Variants in DGKB observed in about 807,000 individuals in gnomAD.
DGKB encodes the protein 90 kDa diacylglycerol kinase.
Under a neutral mutation model 114.3 loss-of-function variants are expected in DGKB, and 67 were observed. The ratio of observed to expected loss-of-function variants is 0.59; its 90% CI spans 0.48 to 0.72. The LOEUF (loss-of-function observed/expected upper bound fraction) is 0.72, where lower values mean the gene tolerates loss of function less well. DGKB is among the 30% of genes least tolerant of loss of function. DGKB has a pLI of 0.00. For missense variants in DGKB, 907 were observed against 975.2 expected, an observed-to-expected ratio of 0.93 and a Z score of 0.93; for synonymous variants, 398 against 323.1, an observed-to-expected ratio of 1.23 and a Z score of -2.49.
chr7:14,851,548 C>T (rs7791432), intron 1 of DGKB, among the ~76,000 whole-genome samples: 16,826 of 152,032 alleles, frequency 0.11, 1,782 homozygotes, highest in East Asian at 0.29. Context: ...TGATACGATA[C>T]CTTTCATCTC....
In DGKB at chr7:14,192,414, G is replaced by T. The variant is rs901288203; in HGVS notation, c.2123-14263C>A. Among the ~76,000 whole-genome samples the T allele has an allele frequency of 2.0e-5, 3 of 152,206 alleles. No individual in the cohort carries two copies. The East Asian group carries it at 5.8e-4, about 29-fold the overall frequency. On this transcript the variant is annotated intron_variant, in intron 23 of 25. Coordinates refer to ENST00000402815, the MANE Select transcript of DGKB (RefSeq NM_001350709.2). ...AATATATTTAACCAAGGAGGTGAAA[G>T]ATCTCTACAATAAAACTGTAAAACT...
intron 2 of DGKB, among the ~76,000 whole-genome samples, chr7:14,763,361 A>G (rs1463515281): frequency 6.6e-6 from 1 of 152,108 alleles, no homozygotes. Context: ...AACACTATTA[A>G]TTATAGCTTG....
intron 20 of DGKB, among the ~76,000 whole-genome samples, chr7:14,528,099 T>C: frequency 6.6e-6 from 1 of 152,080 alleles, no homozygotes; most frequent in East Asian, 1.9e-4. Flanking sequence ...TTCATAAAAT[T>C]TCAACAGTCA....
intron 23 of DGKB, among the ~76,000 whole-genome samples, chr7:14,284,375 G>C (rs1001507848): frequency 8.7e-4 from 125 of 143,906 alleles, no homozygotes; most frequent in Non-Finnish European, 1.3e-3. Flanking sequence ...GTGCTGGAGA[G>C]GATGTGGAGA....
intron 21 of DGKB, among the ~76,000 whole-genome samples, chr7:14,357,329 T>C (rs1366461051): frequency 6.6e-6 from 1 of 152,202 alleles, no homozygotes; most frequent in Non-Finnish European, 1.5e-5. Context: ...CTTGTTGAAT[T>C]GATCCCTTTA....
chr7:14,850,247 G>C (rs1215706483), intron 1 of DGKB, among the ~76,000 whole-genome samples: 3 of 152,206 alleles, frequency 2.0e-5, no homozygotes, highest in African/African-American at 7.2e-5. Context: ...AGTACAGGAA[G>C]TGAAGACTGA....
At chr7:14,642,535 A>G (rs1379974104) in intron 13 of DGKB, among the ~76,000 whole-genome samples, 2 of 152,218 alleles carry the variant, frequency 1.3e-5, no homozygotes, top group African/African-American at 4.8e-5. Flanking sequence ...CAATACAGAA[A>G]CAACTTCACA....
intron 2 of DGKB, among the ~76,000 whole-genome samples, chr7:14,809,500 A>G (rs926285705): frequency 7.9e-5 from 12 of 152,204 alleles, no homozygotes; most frequent in African/African-American, 2.9e-4. Flanking sequence ...CATGGAGGTC[A>G]TATTTTAATA....
chr7:14,183,253 A>C (rs925268071), intron 23 of DGKB, among the ~76,000 whole-genome samples: 1 of 152,234 alleles, frequency 6.6e-6, no homozygotes, highest in Admixed American at 6.5e-5. Context: ...TGAATAATTC[A>C]ATGATTCGTC....
chr7:14,462,919 G>C (rs1317653021), intron 21 of DGKB, among the ~76,000 whole-genome samples: 1 of 151,962 alleles, frequency 6.6e-6, no homozygotes, highest in African/African-American at 2.4e-5. Flanking sequence ...ACAGAACATA[G>C]GCCTCAGGAA....
intron 23 of DGKB, among the ~76,000 whole-genome samples, chr7:14,184,439 G>A (rs1584313712): frequency 6.6e-6 from 1 of 152,126 alleles, no homozygotes; most frequent in East Asian, 1.9e-4. Flanking sequence ...GTTCGTGGGG[G>A]CACGGTGAGA....
At chr7:14,872,010 G>C (rs947009445) in intron 1 of DGKB, among the ~76,000 whole-genome samples, 2 of 152,014 alleles carry the variant, frequency 1.3e-5, no homozygotes, top group South Asian at 4.2e-4. Context: ...GACAGAACCG[G>C]GATTCTCAGG....
rs181459605 is a variant in DGKB, at chr7:14,910,478, T to C, written c.-188+64218A>G. ...CCTTTATGGAAACTTTTGGTTTTCT[T>C]TTTTTGGCTACCAAAATTGTTCATT... On this transcript the variant is annotated intron_variant, in intron 1 of 4. Transcript: ENST00000437998. Among the ~76,000 whole-genome samples, 10 of 152,250 alleles carry C rather than the reference T, an allele frequency of 6.6e-5. No homozygotes were observed. The East Asian group carries it at 1.4e-3, about 21-fold the overall frequency.
intron 1 of DGKB, among the ~76,000 whole-genome samples, chr7:14,864,067 C>A (rs995767871): frequency 6.7e-6 from 1 of 148,444 alleles, no homozygotes; most frequent in Admixed American, 6.8e-5. Flanking sequence ...CCATTGCACT[C>A]TCCAGTCTGG....
At chr7:14,836,862 A>T (rs1223657738) in intron 2 of DGKB, among the ~76,000 whole-genome samples, 3 of 152,214 alleles carry the variant, frequency 2.0e-5, no homozygotes, top group Admixed American at 1.3e-4. Flanking sequence ...ACCTTGTGAG[A>T]AGAGTCTAAT....
intron 20 of DGKB, among the ~76,000 whole-genome samples, chr7:14,527,140 C>T (rs1296892299): frequency 1.3e-5 from 2 of 152,002 alleles, no homozygotes; most frequent in Non-Finnish European, 2.9e-5. Context: ...AGTTGGGTCA[C>T]CAGGTCTTGC....
intron 14 of DGKB, among the ~76,000 whole-genome samples, chr7:14,625,156 T>C (rs17603629): frequency 0.1 from 15,246 of 152,186 alleles, 1,030 homozygotes; most frequent in Non-Finnish European, 0.14. Flanking sequence ...GTGTATTTTA[T>C]TATAGTATCT....
intron 8 of DGKB, among the ~76,000 whole-genome samples, chr7:14,696,809 A>C (rs2129001554): frequency 6.6e-6 from 1 of 152,344 alleles, no homozygotes; most frequent in Non-Finnish European, 1.5e-5. Context: ...CACTAGAAGC[A>C]CAGCATATGC....
At chr7:14,743,182 G>A (rs1256669571) in intron 4 of DGKB, among the ~76,000 whole-genome samples, 1 of 151,982 alleles carries the variant, frequency 6.6e-6, no homozygotes, top group African/African-American at 2.4e-5. Context: ...TAGAAAATTG[G>A]GATTAATAGT....
Sources: allele counts gnomAD v4.1 joint callset (sites outside exome capture counted in the v4.1 genomes callset), GRCh38; gene constraint gnomAD v4.1.1; transcripts MANE v1.5; gene names NCBI Gene and HGNC (gene_info 2026-07-23, HGNC 2026-07-21).